The following SLC15A5 variants were observed in gnomAD, a reference collection of about 807,000 sequenced individuals.
SLC15A5 encodes the protein solute carrier family 15 member 5, also known as Peptide/histidine transporter ENSP00000340402.
SLC15A5 carries 58 observed loss-of-function variants against 56.1 expected under a neutral mutation model. That is an observed-to-expected ratio of 1.03 (90% confidence interval 0.84 to 1.29). The LOEUF (loss-of-function observed/expected upper bound fraction) is 1.29, where lower values mean the gene tolerates loss of function less well. Among genes scored for constraint, SLC15A5 ranks in the 50% most tolerant of loss-of-function variants. The probability of loss-of-function intolerance (pLI) is 0.00; values close to 1 mark genes in which losing one functional copy is unlikely to be tolerated. For missense variants in SLC15A5, 681 were observed against 672.1 expected (o/e 1.01, Z -0.15); for synonymous variants, 264 against 250.5 (o/e 1.05, Z -0.51).
intron 8 of SLC15A5, among the ~76,000 whole-genome samples, chr12:16,192,267 C>G (rs1469481264): frequency 6.6e-6 from 1 of 152,092 alleles, no homozygotes; most frequent in Non-Finnish European, 1.5e-5. Flanking sequence ...TGCTTTGTTT[C>G]TTCCTCTCTC....
rs1226172057 is a variant in SLC15A5, at chr12:16,189,288, G to A, written c.*380C>T. The A allele has an allele frequency of 6.5e-6, 1 of 154,840 alleles. No individual in the cohort carries two copies. Among genetic ancestry groups the A allele is most frequent in the Non-Finnish European group, 1.4e-5 (1 of 69,982 alleles). 9.6% of individuals were successfully genotyped at this position (154,840 alleles called of 1,614,324 possible). Reference sequence around the variant, plus strand: ...GGATCACTAAGTGTATTGAAAGAGAGTATATTAAAATACTGTCATTTTGCT... The same window carrying A: ...GGATCACTAAGTGTATTGAAAGAGAATATATTAAAATACTGTCATTTTGCT... On this transcript the variant is annotated 3_prime_UTR_variant, in exon 9 of 9. Transcript: ENST00000344941.
At chr12:16,250,952 A>T (rs1864513362) in intron 3 of SLC15A5, among the ~76,000 whole-genome samples, 1 of 151,984 alleles carries the variant, frequency 6.6e-6, no homozygotes, top group African/African-American at 2.4e-5. Context: ...AAATAACACA[A>T]GAAGCAAGTT....
At chr12:16,252,477 G>A (rs1467028687) in intron 3 of SLC15A5, among the ~76,000 whole-genome samples, 1 of 152,028 alleles carries the variant, frequency 6.6e-6, no homozygotes, top group Non-Finnish European at 1.5e-5. Flanking sequence ...TACAAGATCA[G>A]CACTCAAAAA....
chr12:16,191,241 C>T (rs7955194), intron 8 of SLC15A5, among the ~76,000 whole-genome samples: 71,966 of 151,750 alleles, frequency 0.47, 17,557 homozygotes, highest in East Asian at 0.71. Flanking sequence ...GAGATAATGT[C>T]CCAGTAACCC....
At position 16,235,045 on chromosome 12, in the gene SLC15A5, T is replaced by C. The variant is rs1188581776; in HGVS notation, c.1162+4636A>G. Among the ~76,000 whole-genome samples, 1 of 152,006 alleles carries C rather than the reference T, an allele frequency of 6.6e-6. No homozygotes were observed. Among genetic ancestry groups the C allele is most frequent in the African/African-American group, 2.4e-5 (1 of 41,394 alleles). ...CAAATTCCCAGGATAGGAAATTTGC[T>C]CAGTGTTAATATATCATTCAGTGTT... is the stretch of plus-strand genomic sequence containing the variant. On this transcript the variant is annotated intron_variant, in intron 5 of 8. Transcript: ENST00000344941. This position sits in a 1 kb window ranked among gnomAD's most constrained non-coding sequence, Gnocchi z 4.1.
At chr12:16,234,752 A>C (rs1864330836) in intron 5 of SLC15A5, among the ~76,000 whole-genome samples, 1 of 152,206 alleles carries the variant, frequency 6.6e-6, no homozygotes, top group Non-Finnish European at 1.5e-5. Flanking sequence ...ATTAGTCTAC[A>C]ATGAAATAAA....
chr12:16,275,919 C>A (rs1864813816), intron 1 of SLC15A5, among the ~76,000 whole-genome samples: 1 of 151,898 alleles, frequency 6.6e-6, no homozygotes, highest in South Asian at 2.1e-4. Context: ...TTCTCGGTAC[C>A]AAGTAGCAGC....
intron 7 of SLC15A5, among the ~76,000 whole-genome samples, chr12:16,215,309 T>C (rs968466427): frequency 3.3e-5 from 5 of 150,888 alleles, no homozygotes; most frequent in African/African-American, 7.3e-5. Context: ...AGCCTGCATA[T>C]GAAACATTTA....
intron 7 of SLC15A5, among the ~76,000 whole-genome samples, chr12:16,213,928 A>G (rs533613719): frequency 3.0e-4 from 46 of 152,262 alleles, no homozygotes; most frequent in African/African-American, 1.1e-3. Context: ...ACAGACCTCT[A>G]TCCAAGGAGG....
chr12:16,213,915 T>C (rs1466860284), intron 7 of SLC15A5, among the ~76,000 whole-genome samples: 1 of 152,186 alleles, frequency 6.6e-6, no homozygotes, highest in African/African-American at 2.4e-5. Flanking sequence ...TTATCAATAT[T>C]ATACAGACCT....
chr12:16,199,352 CTATT>C (rs1191882868), intron 7 of SLC15A5, among the ~76,000 whole-genome samples: 1 of 143,938 alleles, frequency 6.9e-6, no homozygotes, highest in Non-Finnish European at 1.5e-5. Context: ...TAATCTCATA[CTATT>C]TAGAGTAAGA....
chr12:16,275,803 A>G (rs1467521932), intron 1 of SLC15A5, among the ~76,000 whole-genome samples: 3 of 152,084 alleles, frequency 2.0e-5, no homozygotes, highest in Admixed American at 2.0e-4. Flanking sequence ...AGAAATTACC[A>G]TGTTAAACAA....
At chr12:16,233,587 C>T (rs988922967) in intron 5 of SLC15A5, among the ~76,000 whole-genome samples, 12 of 152,282 alleles carry the variant, frequency 7.9e-5, no homozygotes, top group Admixed American at 2.6e-4. Flanking sequence ...TTTAGTCATC[C>T]GCTTTTATTA....
chr12:16,272,869 A>G, intron 1 of SLC15A5, 86 bp from the exon 2 acceptor site: 1 of 1,157,034 alleles, frequency 8.6e-7, no homozygotes. Context: ...TTTCTCTGAC[A>G]GTGGCATCAT....
intron 5 of SLC15A5, 66 bp from the exon 6 acceptor site, chr12:16,224,668 A>T (rs1335553056): frequency 2.1e-5 from 29 of 1,405,188 alleles, no homozygotes; most frequent in Non-Finnish European, 2.7e-5. Context: ...GTAATAAGCC[A>T]TAACATTTCT....
intron 7 of SLC15A5, among the ~76,000 whole-genome samples, chr12:16,215,248 T>TGG (rs1864121094): frequency 6.9e-6 from 1 of 143,950 alleles, no homozygotes; most frequent in African/African-American, 2.6e-5. Context: ...AGGATAGTCT[T>TGG]GGGGAGAACT....
chr12:16,248,354 T>A (rs1033632339), intron 3 of SLC15A5, among the ~76,000 whole-genome samples: 4 of 152,126 alleles, frequency 2.6e-5, no homozygotes, highest in African/African-American at 9.7e-5. Context: ...AAGAGAAGAT[T>A]CAGTGTCCCT....
chr12:16,236,296 C>A (rs1426506407), intron 5 of SLC15A5, among the ~76,000 whole-genome samples: 2 of 152,098 alleles, frequency 1.3e-5, no homozygotes, highest in Admixed American at 6.5e-5. Flanking sequence ...ACAATAATAT[C>A]ATTAGTTCTG....
At chr12:16,239,899 A>C in intron 4 of SLC15A5, 32 bp from the exon 5 acceptor site, 1 of 1,518,684 alleles carries the variant, frequency 6.6e-7, no homozygotes, top group Non-Finnish European at 8.8e-7. Flanking sequence ...CCATGCATTA[A>C]GACAGGGGTT....
Sources: allele counts gnomAD v4.1 joint callset (sites outside exome capture counted in the v4.1 genomes callset), GRCh38; gene constraint gnomAD v4.1.1; non-coding constraint Gnocchi (gnomAD v3.1); transcripts MANE v1.5; gene names NCBI Gene and HGNC (gene_info 2026-07-23, HGNC 2026-07-21).